CTNNA2: variants seen among roughly 807,000 people sequenced by gnomAD.
CTNNA2 encodes the protein catenin alpha-2.
Under a neutral mutation model 101.0 loss-of-function variants are expected in CTNNA2, and 42 were observed. That is an observed-to-expected ratio of 0.42 (90% CI 0.32 to 0.54). The LOEUF is 0.54. Among genes scored for constraint, CTNNA2 ranks in the 20% least tolerant of loss-of-function variants. The pLI is 0.14. For synonymous variants in CTNNA2, 450 were observed against 456.4 expected (o/e 0.99, Z 0.18); for missense variants, 871 against 1,223.1 (o/e 0.71, Z 4.29).
At chr2:79,648,939 T>G (rs561417440) in intron 1 of CTNNA2, among the ~76,000 whole-genome samples, 1 of 152,190 alleles carries the variant, frequency 6.6e-6, no homozygotes, top group Non-Finnish European at 1.5e-5. Context: ...GAATTTTACC[T>G]TTGTCACAAG....
At chr2:79,776,558 G>T (rs1673979293) in intron 3 of CTNNA2, among the ~76,000 whole-genome samples, 1 of 152,150 alleles carries the variant, frequency 6.6e-6, no homozygotes, top group African/African-American at 2.4e-5. Context: ...AACTGGGATA[G>T]AATTGCCAAA....
At chr2:80,335,916 A>G (rs186074673) in intron 7 of CTNNA2, among the ~76,000 whole-genome samples, 2 of 152,300 alleles carry the variant, frequency 1.3e-5, no homozygotes, top group Admixed American at 1.3e-4. Context: ...ACCACATTGT[A>G]CAGCTTGTTC....
At chr2:79,699,788 T>TACAC (rs377095429) in intron 2 of CTNNA2, among the ~76,000 whole-genome samples, 429 of 119,990 alleles carry the variant, frequency 3.6e-3, no homozygotes, top group East Asian at 0.011. Flanking sequence ...AAGAAAAAAA[T>TACAC]ACACACACAC....
chr2:79,237,518 A>G (rs1345161536), intron 2 of CTNNA2, among the ~76,000 whole-genome samples: 2 of 152,144 alleles, frequency 1.3e-5, no homozygotes, highest in African/African-American at 2.4e-5. Flanking sequence ...TTGTCCTTGA[A>G]AGCTTTAAAA....
At chr2:79,414,812 G>A (rs1284437036) in intron 4 of CTNNA2, among the ~76,000 whole-genome samples, 2 of 151,956 alleles carry the variant, frequency 1.3e-5, no homozygotes, top group Non-Finnish European at 1.5e-5. Flanking sequence ...CCACACAGGG[G>A]AGTGAGGCCA....
intron 7 of CTNNA2, among the ~76,000 whole-genome samples, chr2:80,335,317 G>C (rs570387760): frequency 6.6e-6 from 1 of 152,254 alleles, no homozygotes; most frequent in East Asian, 1.9e-4. Context: ...CCAGTCAAAT[G>C]ATCATCTCAT....
At chr2:80,519,526 T>C (rs1203946667) in intron 9 of CTNNA2, among the ~76,000 whole-genome samples, 1 of 152,200 alleles carries the variant, frequency 6.6e-6, no homozygotes, top group African/African-American at 2.4e-5. Flanking sequence ...CCATATTGCA[T>C]AAATATTGGC....
In CTNNA2 at chr2:80,456,273, C is replaced by G. The variant is rs117456097; in HGVS notation, c.1290+36672C>G. ...TACTTGCTTTTCTTGGAAGCCTCTT[C>G]TTTCTGTGTGGCCACTTTAATATCC... On this transcript the variant is annotated intron_variant, in intron 9 of 18. Coordinates refer to ENST00000402739, the MANE Select transcript of CTNNA2 (RefSeq NM_001282597.3). Among the ~76,000 whole-genome samples, 105 of 152,282 alleles carry G rather than the reference C, an allele frequency of 6.9e-4. 1 individual carries two copies. The East Asian group carries it at 0.019, about 28-fold the overall frequency.
At chr2:79,189,187 G>A (rs1673820576) in intron 1 of CTNNA2, among the ~76,000 whole-genome samples, 1 of 151,850 alleles carries the variant, frequency 6.6e-6, no homozygotes, top group African/African-American at 2.4e-5. Flanking sequence ...ATAACACAGT[G>A]CACACAAAAA....
chr2:80,580,894 T>C (rs183363903), intron 13 of CTNNA2, among the ~76,000 whole-genome samples: 11 of 152,188 alleles, frequency 7.2e-5, no homozygotes, highest in African/African-American at 2.2e-4. Flanking sequence ...TGTACACCTG[T>C]AATCCCAGCT....
intron 8 of CTNNA2, among the ~76,000 whole-genome samples, chr2:80,401,367 G>C (rs1678532664): frequency 1.3e-5 from 2 of 152,228 alleles, no homozygotes; most frequent in East Asian, 1.9e-4. Context: ...GGCTAAAAAT[G>C]CTAGTCTAAA....
rs562556867 is a variant in CTNNA2 at position 80,615,894 on chromosome 2, G to T, written c.2431-3191G>T. ...TTCTTTTACTGCATCGGAACACATTGTCTTACTCTATCTTAAATAGTAATT... is the reference window on the plus strand; with the variant it reads ...TTCTTTTACTGCATCGGAACACATTTTCTTACTCTATCTTAAATAGTAATT... On this transcript the variant is annotated intron_variant, in intron 17 of 18. Coordinates refer to ENST00000402739, the MANE Select transcript of CTNNA2 (RefSeq NM_001282597.3). 1.1e-4 allele frequency among the ~76,000 whole-genome samples: 17 copies of T among 151,780 alleles called. No individual in the cohort carries two copies. In the South Asian group the frequency reaches 2.1e-3, roughly 18 times the overall value.
chr2:80,647,057 T>C (rs973828701), intron 18 of CTNNA2, among the ~76,000 whole-genome samples: 1 of 152,118 alleles, frequency 6.6e-6, no homozygotes, highest in Non-Finnish European at 1.5e-5. Context: ...TATCAGTATT[T>C]ATATAGGAGG....
intron 2 of CTNNA2, among the ~76,000 whole-genome samples, chr2:79,215,535 T>C (rs940320413): frequency 7.9e-5 from 12 of 152,084 alleles, no homozygotes; most frequent in African/African-American, 2.2e-4. Flanking sequence ...CAGGAGCAGA[T>C]TGGGTAATAA....
rs529829520 is a variant in CTNNA2 at position 79,349,630 on chromosome 2, T to C, written c.-317-24201T>C. 9.8e-5 allele frequency among the ~76,000 whole-genome samples: 15 copies of C among 152,312 alleles called. No homozygotes were observed. The South Asian group carries it at 3.1e-3, about 32-fold the overall frequency. On this transcript the variant is annotated intron_variant, in intron 3 of 21. Transcript: ENST00000466387. ...TAGATATATTACAATGTAGTTATAG[T>C]ATAATAGCCAACAATAGCTTGGAAG...
intron 8 of CTNNA2, among the ~76,000 whole-genome samples, chr2:80,394,098 A>G (rs555324491): frequency 3.5e-4 from 54 of 152,274 alleles, no homozygotes; most frequent in Admixed American, 2.7e-3. Context: ...TCATTCACTA[A>G]TTGTTGACTG....
chr2:80,614,182 G>A (rs1698671407), intron 17 of CTNNA2, among the ~76,000 whole-genome samples: 1 of 151,396 alleles, frequency 6.6e-6, no homozygotes, highest in African/African-American at 2.4e-5. Context: ...GGACACATGG[G>A]AGGTACCTGG....
chr2:80,497,865 T>C (rs571386446), intron 9 of CTNNA2, among the ~76,000 whole-genome samples: 2 of 152,224 alleles, frequency 1.3e-5, no homozygotes, highest in Non-Finnish European at 2.9e-5. Context: ...AACTGAATTC[T>C]GCCAACAACC....
intron 7 of CTNNA2, among the ~76,000 whole-genome samples, chr2:79,994,996 T>C (rs1026612729): frequency 6.6e-6 from 1 of 152,296 alleles, no homozygotes; most frequent in Admixed American, 6.5e-5. Flanking sequence ...AGCAGAGGGA[T>C]GCAATCAGTA....
Sources: allele counts gnomAD v4.1 joint callset (sites outside exome capture counted in the v4.1 genomes callset), GRCh38; gene constraint gnomAD v4.1.1; transcripts MANE v1.5; gene names NCBI Gene and HGNC (gene_info 2026-07-23, HGNC 2026-07-21).